KDM4A: variants seen among roughly 807,000 people sequenced by gnomAD.
KDM4A encodes lysine demethylase 4A, also known as lysine-specific demethylase 4A.
A neutral mutation model predicts 127.1 loss-of-function variants in KDM4A; 23 were observed. The ratio of observed to expected loss-of-function variants is 0.18; its 90% CI spans 0.13 to 0.26. KDM4A has a LOEUF of 0.26. Among genes scored for constraint, KDM4A ranks in the 10% least tolerant of loss-of-function variants. The probability of loss-of-function intolerance (pLI) is 1.00; values close to 1 mark genes in which losing one functional copy is unlikely to be tolerated. For missense variants in KDM4A, 890 were observed against 1,329.1 expected (o/e 0.67, Z 5.14); for synonymous variants, 443 against 466.5 (o/e 0.95, Z 0.65).
Position 43,655,588 on chromosome 1 carries a change from C to G in KDM4A, c.139-3C>G. 6.2e-7 allele frequency: 1 copy of G among 1,604,876 alleles called. No individual in the cohort carries two copies. The highest frequency in any genetic ancestry group is 8.5e-7 in the Non-Finnish European group (1 of 1,175,850). ...GTCTTTTTGTTTCTTGTGTTCCCTT[C>G]AGGTTGTTCCTCCAAAAGAGTGGAA... On this transcript the variant is annotated splice_polypyrimidine_tract_variant and splice_region_variant and intron_variant, in intron 2 of 21. Transcript: ENST00000372396.
intron 10 of KDM4A, among the ~76,000 whole-genome samples, chr1:43,669,738 T>A (rs774748692): frequency 2.0e-5 from 3 of 151,524 alleles, no homozygotes; most frequent in Admixed American, 6.6e-5. Context: ...AACTTCTGCC[T>A]CCTGGGTTCA....
At position 43,704,325 on chromosome 1, in the gene KDM4A, G is replaced by C. The variant is rs772193499; in HGVS notation, c.3150G>C (p.Arg1050=). Residue 1050 remains arginine (R), a synonymous_variant, in exon 22 of 22, where the codon CGG becomes CGC. Transcript: ENST00000372396. ...KRQRVINSRY[R]EDYIEPALYR... is the part of the protein sequence containing the mutation. ...AACGAGTTATCAACTCAAGATACCG[G>C]GAAGATTATATTGAGCCTGCACTAT... 2 of 1,613,984 alleles carry C rather than the reference G, an allele frequency of 1.2e-6. No individual in the cohort carries two copies. Among genetic ancestry groups the C allele is most frequent in the Non-Finnish European group, 1.7e-6 (2 of 1,180,022 alleles).
chr1:43,657,068 C>T (rs1660260647), intron 3 of KDM4A, among the ~76,000 whole-genome samples: 1 of 151,868 alleles, frequency 6.6e-6, no homozygotes, highest in African/African-American at 2.4e-5. Flanking sequence ...CTACCGCGCT[C>T]AGCTAATATT....
chr1:43,683,848 C>G, intron 12 of KDM4A, 44 bp downstream of exon 12: 1 of 1,608,606 alleles, frequency 6.2e-7, no homozygotes, highest in Non-Finnish European at 8.5e-7. Flanking sequence ...CAGCTCACCA[C>G]ATTAGACTTG....
chr1:43,671,615 C>G lies in KDM4A; in HGVS notation c.1474C>G (p.Pro492Ala). 2 of 1,613,408 alleles carry G rather than the reference C, an allele frequency of 1.2e-6. No individual in the cohort carries two copies. Among genetic ancestry groups the G allele is most frequent in the Non-Finnish European group, 1.7e-6 (2 of 1,179,728 alleles). The change falls in exon 11 of 22, where the codon CCT becomes GCT. Residue 492 changes from proline to alanine, a missense_variant. Physicochemically the swap from Pro to Ala is conservative, Grantham distance 27. This residue lies in a region of KDM4A where 389 missense variants were observed against 485.9 expected (regional missense o/e 0.80). Coordinates refer to ENST00000372396, the MANE Select transcript of KDM4A (RefSeq NM_014663.3). ...AAAALDLSVN[P>A]ASVGGRLVFS... ...AGCTGCCTTGGATCTTTCTGTGAAT[C>G]CTGCGTCTGTAGGGGGACGCCTTGT...
intron 15 of KDM4A, among the ~76,000 whole-genome samples, chr1:43,691,940 T>C (rs552344902): frequency 6.6e-6 from 1 of 152,224 alleles, no homozygotes; most frequent in Non-Finnish European, 1.5e-5. Context: ...ACCTAGCCCA[T>C]ATAAGAAGCA....
intron 11 of KDM4A, among the ~76,000 whole-genome samples, chr1:43,681,406 C>T (rs1287645287): frequency 2.6e-5 from 4 of 152,204 alleles, no homozygotes; most frequent in Non-Finnish European, 5.9e-5. Flanking sequence ...CCTGGTGCTG[C>T]GGATTCCCAG....
chr1:43,665,655 C>G (rs1171228473), intron 5 of KDM4A, 41 bp from the exon 6 acceptor site: 1 of 1,603,580 alleles, frequency 6.2e-7, no homozygotes, highest in Non-Finnish European at 8.5e-7. Flanking sequence ...GCTTCTGTAC[C>G]TGCCCTCCAC....
rs755367705 is a variant in KDM4A, at chr1:43,694,771, C to T, written c.2547C>T (p.His849=). Residue 849 remains histidine, a synonymous_variant, in exon 18 of 22, where the codon CAC becomes CAT. Transcript: ENST00000372396. The surrounding 1 kb of genome is among the most constrained non-coding windows in gnomAD (Gnocchi z 5.2). ...RTAGCCVQCS[H]GRCPTAFHVS... ...CTGGCTGCTGTGTGCAGTGTTCTCA[C>T]GGCCGCTGCCCAACTGCCTTCCATG... 9.9e-6 allele frequency: 16 copies of T among 1,613,982 alleles called. No homozygotes were observed. The highest frequency in any genetic ancestry group is 6.7e-5 in the East Asian group (3 of 44,888).
At chr1:43,660,515 G>C (rs1199629372) in intron 4 of KDM4A, 103 bp downstream of exon 4, 1 of 1,467,070 alleles carries the variant, frequency 6.8e-7, no homozygotes, top group Non-Finnish European at 9.1e-7. Context: ...TTGGTGAATG[G>C]GTGGATGAAC....
intron 5 of KDM4A, 66 bp from the exon 6 acceptor site, chr1:43,665,630 G>A (rs1467438039): frequency 2.7e-6 from 4 of 1,477,046 alleles, no homozygotes; most frequent in East Asian, 4.6e-5. Context: ...TTTGAGAGTG[G>A]GAATAAGTCC....
In KDM4A at chr1:43,664,687, TC is replaced by T. The variant is rs967037060; in HGVS notation, c.624-1007del. Among the ~76,000 whole-genome samples, 5 of 152,318 alleles carry T rather than the reference TC, an allele frequency of 3.3e-5. No individual in the cohort carries two copies. In the East Asian group the frequency reaches 7.7e-4, roughly 23 times the overall value. The stretch of plus-strand genomic sequence containing the variant: ...GCCTATGATTATCTCCTAACTACTG[TC>T]CTGTTTTTCCTTCCTCAGAAGGCTA... On this transcript the variant is annotated intron_variant, in intron 5 of 21. Coordinates refer to ENST00000372396, the MANE Select transcript of KDM4A (RefSeq NM_014663.3).
intron 11 of KDM4A, among the ~76,000 whole-genome samples, chr1:43,680,236 G>A (rs1019977173): frequency 1.3e-5 from 2 of 152,102 alleles, no homozygotes; most frequent in African/African-American, 4.8e-5. Flanking sequence ...CTCAGACTTC[G>A]GACTTGGACA....
chr1:43,698,049 A>AT, intron 19 of KDM4A, 36 bp downstream of exon 19: 2 of 1,598,068 alleles, frequency 1.3e-6, no homozygotes, highest in Non-Finnish European at 1.7e-6. Flanking sequence ...GCAGTTTGGA[A>AT]TGGGGGGATG....
intron 18 of KDM4A, among the ~76,000 whole-genome samples, chr1:43,695,241 G>A (rs1054247075): frequency 6.6e-6 from 1 of 152,194 alleles, no homozygotes; most frequent in Non-Finnish European, 1.5e-5. Flanking sequence ...AAAATGTTGA[G>A]AACAAATGGG....
In KDM4A at chr1:43,671,529, A is replaced by G; in HGVS notation, c.1388A>G (p.Lys463Arg). The G allele has an allele frequency of 1.9e-6, 3 of 1,573,388 alleles. No individual in the cohort carries two copies. Among genetic ancestry groups the G allele is most frequent in the Non-Finnish European group, 2.6e-6 (3 of 1,161,520 alleles). The part of the protein sequence containing the change: ...FPDYSDSTEV[K>R]FEELKNVKLE... Reference sequence around the variant, plus strand: ...GATTATTCTGACTCCACTGAAGTCAAATTTGAAGAGCTTAAAAATGTCAAA... The same window carrying G: ...GATTATTCTGACTCCACTGAAGTCAGATTTGAAGAGCTTAAAAATGTCAAA... The change falls in exon 11 of 22, where the codon AAA (lysine) becomes AGA (arginine). Residue 463 changes from lysine to arginine, a missense_variant. Physicochemically the swap from Lys to Arg is conservative, Grantham distance 26. Around this residue, in one of 7 missense-constraint regions of KDM4A, gnomAD observed 389 missense variants for 485.9 expected, o/e 0.80. Transcript: ENST00000372396.
At chr1:43,686,855 G>A (rs1258534553) in intron 12 of KDM4A, among the ~76,000 whole-genome samples, 1 of 152,108 alleles carries the variant, frequency 6.6e-6, no homozygotes, top group Non-Finnish European at 1.5e-5. Flanking sequence ...CATTTTAACT[G>A]TACAGCTCAA....
At chr1:43,683,375 T>C (rs549907218) in intron 11 of KDM4A, among the ~76,000 whole-genome samples, 3 of 152,288 alleles carry the variant, frequency 2.0e-5, no homozygotes, top group African/African-American at 7.2e-5. Flanking sequence ...GCAGTGAGCT[T>C]AAGGGACCGG....
chr1:43,662,706 T>C (rs888223773), intron 4 of KDM4A, among the ~76,000 whole-genome samples, 188 bp from the exon 5 acceptor site: 7 of 152,230 alleles, frequency 4.6e-5, no homozygotes, highest in Admixed American at 3.9e-4. Context: ...AGGTAAATGG[T>C]GTCAGTTCCA....
Sources: allele counts gnomAD v4.1 joint callset (sites outside exome capture counted in the v4.1 genomes callset), GRCh38; gene constraint gnomAD v4.1.1; regional missense constraint gnomAD v4.1.1; non-coding constraint Gnocchi (gnomAD v3.1); transcripts MANE v1.5; gene names NCBI Gene and HGNC (gene_info 2026-07-23, HGNC 2026-07-21).